Variants in TMEM244 observed in about 807,000 individuals in gnomAD.
The protein encoded by TMEM244 is putative transmembrane protein 244.
In TMEM244, 13 loss-of-function variants were observed where a neutral mutation model predicts 15.8. The ratio of observed to expected loss-of-function variants is 0.82; its 90% CI spans 0.53 to 1.30. TMEM244 has a LOEUF of 1.30. Ranked by LOEUF, TMEM244 falls within the 50% of genes most tolerant of loss-of-function variation. The probability of loss-of-function intolerance (pLI) is 0.00; values close to 1 mark genes in which losing one functional copy is unlikely to be tolerated. For missense variants in TMEM244, 161 were observed against 144.9 expected (o/e 1.11, Z -0.57); for synonymous variants, 45 against 48.7 (o/e 0.92, Z 0.32).
Position 129,861,259 on chromosome 6 carries a change from A to G in TMEM244, c.-71T>C. 3 of 1,561,016 alleles carry G rather than the reference A, an allele frequency of 1.9e-6. No individual in the cohort carries two copies. In the South Asian group the frequency reaches 3.4e-5, roughly 18 times the overall value. On this transcript the variant is annotated 5_prime_UTR_variant, in exon 1 of 5. Transcript: ENST00000368143. ...AGCGATGACATCTGGAAGAAGACAC[A>G]ATTGTCACCGTGAGCTTTTCAATTA...
chr6:129,846,485 A>T (rs7765854), intron 1 of TMEM244, among the ~76,000 whole-genome samples: 65,756 of 152,010 alleles, frequency 0.43, 15,755 homozygotes, highest in Non-Finnish European at 0.56. Context: ...ACTACATATT[A>T]AAAAAGTGTT....
chr6:129,846,350 A>T (rs934662649), intron 1 of TMEM244, among the ~76,000 whole-genome samples: 12 of 152,216 alleles, frequency 7.9e-5, no homozygotes, highest in Non-Finnish European at 2.9e-5. Context: ...AAAACCTACA[A>T]ATAGTAAATC....
At chr6:129,858,588 A>T (rs750606760) in intron 1 of TMEM244, among the ~76,000 whole-genome samples, 4 of 152,104 alleles carry the variant, frequency 2.6e-5, no homozygotes, top group Non-Finnish European at 5.9e-5. Context: ...GATCTCATCA[A>T]ATTTGTATTG....
intron 3 of TMEM244, among the ~76,000 whole-genome samples, chr6:129,837,979 T>G (rs1443179927): frequency 6.6e-6 from 1 of 152,192 alleles, no homozygotes; most frequent in Non-Finnish European, 1.5e-5. Context: ...AATGGTAGAC[T>G]TTAACACCCC....
At chr6:129,840,310 A>G (rs1260120781) in intron 3 of TMEM244, among the ~76,000 whole-genome samples, 1 of 152,212 alleles carries the variant, frequency 6.6e-6, no homozygotes, top group Non-Finnish European at 1.5e-5. Context: ...GACAAACCTG[A>G]CAAAAACAAG....
chr6:129,850,539 G>A (rs531527780), intron 1 of TMEM244, among the ~76,000 whole-genome samples: 4 of 152,298 alleles, frequency 2.6e-5, no homozygotes, highest in African/African-American at 9.6e-5. Flanking sequence ...TGGACAATAA[G>A]AGGAGCAGGA....
chr6:129,843,644 G>A (rs17058068), intron 2 of TMEM244, 41 bp from the exon 3 acceptor site: 28,636 of 1,453,768 alleles, frequency 0.02, 359 homozygotes, highest in South Asian at 0.023. Flanking sequence ...TCTGAATGAG[G>A]CAGTTCATAA....
At chr6:129,846,582 GA>G (rs1023580506) in intron 1 of TMEM244, among the ~76,000 whole-genome samples, 1 of 151,960 alleles carries the variant, frequency 6.6e-6, no homozygotes, top group Non-Finnish European at 1.5e-5. Flanking sequence ...CCATTCACTG[GA>G]ACAAACTTCC....
At chr6:129,842,855 A>G (rs1401976980) in intron 3 of TMEM244, among the ~76,000 whole-genome samples, 1 of 151,440 alleles carries the variant, frequency 6.6e-6, no homozygotes, top group Non-Finnish European at 1.5e-5. Flanking sequence ...ACATATATTC[A>G]AGGTACATAG....
intron 3 of TMEM244, among the ~76,000 whole-genome samples, chr6:129,837,776 T>A (rs1776429826): frequency 6.6e-6 from 1 of 152,128 alleles, no homozygotes; most frequent in South Asian, 2.1e-4. Flanking sequence ...ACAATCTTAG[T>A]CTCTGATACA....
At chr6:129,852,902 C>G (rs896421491) in intron 1 of TMEM244, among the ~76,000 whole-genome samples, 2 of 152,142 alleles carry the variant, frequency 1.3e-5, no homozygotes, top group African/African-American at 4.8e-5. Context: ...CCTCTTTTCT[C>G]CCTCAAGACC....
At chr6:129,832,557 G>A (rs1214780073) in intron 4 of TMEM244, among the ~76,000 whole-genome samples, 1 of 152,146 alleles carries the variant, frequency 6.6e-6, no homozygotes, top group African/African-American at 2.4e-5. Context: ...GTATAGTAAG[G>A]GAGAAAATAC....
At chr6:129,839,292 G>A (rs9402181) in intron 3 of TMEM244, among the ~76,000 whole-genome samples, 38,636 of 152,104 alleles carry the variant, frequency 0.25, 5,434 homozygotes, top group South Asian at 0.46. Flanking sequence ...ATCAATAAAC[G>A]TAATCCATCA....
At chr6:129,835,732 C>T (rs1006966437) in intron 3 of TMEM244, among the ~76,000 whole-genome samples, 2 of 152,206 alleles carry the variant, frequency 1.3e-5, no homozygotes, top group African/African-American at 2.4e-5. Flanking sequence ...GTCTTAGCAA[C>T]CGTCAGACCA....
At chr6:129,845,681 T>C (rs1345905128) in intron 2 of TMEM244, 86 bp downstream of exon 2, 1 of 998,598 alleles carries the variant, frequency 1.0e-6, no homozygotes, top group South Asian at 1.4e-5. Flanking sequence ...CTCTAATCCA[T>C]AAAGACATAT....
At chr6:129,837,006 A>T (rs563642774) in intron 3 of TMEM244, among the ~76,000 whole-genome samples, 51 of 152,358 alleles carry the variant, frequency 3.3e-4, no homozygotes, top group African/African-American at 1.2e-3. Context: ...ACTCTTCAGG[A>T]TATCATCCAG....
intron 1 of TMEM244, among the ~76,000 whole-genome samples, chr6:129,849,146 A>AT (rs1367015522): frequency 3.3e-5 from 5 of 152,064 alleles, no homozygotes; most frequent in African/African-American, 1.2e-4. Context: ...CAAACTTTAC[A>AT]TAGAGATACA....
chr6:129,860,869 T>G (rs1776798664), intron 1 of TMEM244, among the ~76,000 whole-genome samples: 1 of 151,368 alleles, frequency 6.6e-6, no homozygotes, highest in African/African-American at 2.4e-5. Context: ...CAGAAAACGA[T>G]AGCAGACGTG....
chr6:129,845,157 G>GGAGGA (rs1286956932), intron 2 of TMEM244, among the ~76,000 whole-genome samples: 1 of 152,122 alleles, frequency 6.6e-6, no homozygotes, highest in Non-Finnish European at 1.5e-5. Context: ...ACAAATGAAG[G>GGAGGA]CATTGAAATA....
Sources: gnomAD v4.1 joint callset for allele counts (sites outside exome capture counted in the v4.1 genomes callset) on GRCh38, gnomAD v4.1.1 for gene constraint, MANE v1.5 for transcripts, NCBI Gene and HGNC (gene_info 2026-07-23, HGNC 2026-07-21) for gene names.